TGFA: variants seen among roughly 807,000 people sequenced by gnomAD.
TGFA encodes transforming growth factor alpha.
A neutral mutation model predicts 21.7 loss-of-function variants in TGFA; 12 were observed. That is an observed-to-expected ratio of 0.55 (90% confidence interval 0.35 to 0.90). TGFA has a LOEUF of 0.90. Among genes scored for constraint, TGFA ranks in the 40% least tolerant of loss-of-function variants. The probability of loss-of-function intolerance (pLI) is 0.01; values close to 1 mark genes in which losing one functional copy is unlikely to be tolerated. For missense variants in TGFA, 178 were observed against 210.8 expected, an observed-to-expected ratio of 0.84 and a Z score of 0.96; for synonymous variants, 79 against 88.1, an observed-to-expected ratio of 0.90 and a Z score of 0.58.
In TGFA at chr2:70,509,461, C is replaced by T. The variant is rs186638804; in HGVS notation, c.94+5398G>A. ...TTAAGCCCAGGGTCACCACTGAGAT[C>T]TGATCACCATCTCCCTAAGCCAGCT... On this transcript the variant is annotated intron_variant, in intron 2 of 5. Transcript: ENST00000295400. Among the ~76,000 whole-genome samples, 640 of 152,314 alleles carry T rather than the reference C, an allele frequency of 4.2e-3. 2 individuals carry two copies. Among genetic ancestry groups the T allele is most frequent in the Non-Finnish European group, 7.5e-3 (512 of 68,024 alleles).
chr2:70,477,890 A>C (rs928480081), intron 2 of TGFA, among the ~76,000 whole-genome samples: 1 of 152,234 alleles, frequency 6.6e-6, no homozygotes, highest in African/African-American at 2.4e-5. Flanking sequence ...TGTTACTCTA[A>C]TGCCAAGCCT....
chr2:70,547,868 G>T (rs1341962125), intron 1 of TGFA, among the ~76,000 whole-genome samples: 3 of 147,922 alleles, frequency 2.0e-5, no homozygotes, highest in Non-Finnish European at 4.5e-5. Context: ...TATATAGAGA[G>T]ATATATATAT....
intron 2 of TGFA, among the ~76,000 whole-genome samples, chr2:70,510,488 G>A (rs1282190127): frequency 1.7e-4 from 26 of 152,076 alleles, no homozygotes; most frequent in Non-Finnish European, 3.7e-4. Flanking sequence ...TCTGATTCAA[G>A]TCCAATAGAT....
chr2:70,544,631 T>C (rs1553505610), intron 1 of TGFA, among the ~76,000 whole-genome samples: 2 of 152,130 alleles, frequency 1.3e-5, no homozygotes, highest in Non-Finnish European at 2.9e-5. Context: ...ACAGAACAGG[T>C]GCTTGGTAAT....
At chr2:70,547,498 G>A (rs112741266) in intron 1 of TGFA, among the ~76,000 whole-genome samples, 17,102 of 149,394 alleles carry the variant, frequency 0.11, 1,073 homozygotes, top group Middle Eastern at 0.18. Context: ...AGCCTAGATC[G>A]TGCCACTGCA....
At chr2:70,455,194 C>G (rs546356705) in intron 4 of TGFA, among the ~76,000 whole-genome samples, 5 of 152,122 alleles carry the variant, frequency 3.3e-5, no homozygotes, top group Non-Finnish European at 7.4e-5. Context: ...GACCTCAAAC[C>G]TCACCACTCA....
chr2:70,550,438 C>CA (rs1559148777), intron 1 of TGFA, among the ~76,000 whole-genome samples: 2 of 151,118 alleles, frequency 1.3e-5, no homozygotes, highest in Non-Finnish European at 3.0e-5. Flanking sequence ...AAAGGAGATA[C>CA]AAAAAATTTG....
At chr2:70,493,924 T>C (rs1671506089) in intron 2 of TGFA, among the ~76,000 whole-genome samples, 1 of 152,246 alleles carries the variant, frequency 6.6e-6, no homozygotes, top group South Asian at 2.1e-4. Flanking sequence ...TAGTTTCCCA[T>C]TGCTGCTATA....
chr2:70,539,355 C>A (rs570433670), intron 1 of TGFA, among the ~76,000 whole-genome samples: 2 of 151,948 alleles, frequency 1.3e-5, no homozygotes, highest in African/African-American at 2.4e-5. Context: ...TCATACCTAT[C>A]CCTCTAGTCT....
chr2:70,527,006 T>A (rs1233183837), intron 1 of TGFA, among the ~76,000 whole-genome samples: 2 of 152,224 alleles, frequency 1.3e-5, no homozygotes, highest in Non-Finnish European at 2.9e-5. Flanking sequence ...CAAAACCAAT[T>A]GATAAAGTGG....
chr2:70,533,113 C>G (rs1203989703), intron 1 of TGFA, among the ~76,000 whole-genome samples: 1 of 152,080 alleles, frequency 6.6e-6, no homozygotes, highest in Admixed American at 6.5e-5. Context: ...CCGCCCATCT[C>G]AGCCTCCCAA....
At chr2:70,512,241 G>A (rs555235055) in intron 2 of TGFA, among the ~76,000 whole-genome samples, 4 of 152,258 alleles carry the variant, frequency 2.6e-5, no homozygotes, top group East Asian at 3.9e-4. Context: ...ATGGGGCAGG[G>A]CCAAGAGTAA....
intron 1 of TGFA, among the ~76,000 whole-genome samples, chr2:70,545,248 C>T (rs57905246): frequency 5.3e-5 from 8 of 150,852 alleles, no homozygotes; most frequent in East Asian, 2.0e-4. Context: ...ACAAAGAAGA[C>T]GAAGATGAAG....
At chr2:70,553,685 G>T (rs1673587839) in intron 1 of TGFA, 43 bp downstream of exon 1, 2 of 1,333,850 alleles carry the variant, frequency 1.5e-6, no homozygotes, top group Non-Finnish European at 1.9e-6. Context: ...GGGGGAAGCA[G>T]GGTGTCGCGC....
At chr2:70,536,612 AG>A in intron 1 of TGFA, among the ~76,000 whole-genome samples, 1 of 152,370 alleles carries the variant, frequency 6.6e-6, no homozygotes, top group Non-Finnish European at 1.5e-5. Context: ...TGGGTCAAAA[AG>A]GAAACTCAAG....
At chr2:70,464,706 C>T (rs1293928183) in intron 3 of TGFA, among the ~76,000 whole-genome samples, 2 of 152,174 alleles carry the variant, frequency 1.3e-5, no homozygotes, top group Non-Finnish European at 2.9e-5. Context: ...TTAAATATGT[C>T]TTTCTGAAAC....
rs1673589231 is a variant in TGFA at position 70,553,712 on chromosome 2, C to A, written c.40+16G>T. 3.8e-6 allele frequency: 5 copies of A among 1,331,220 alleles called. No individual in the cohort carries two copies. The South Asian group carries it at 1.1e-4, about 29-fold the overall frequency. The allele number at this position is 1,331,220 out of a possible 1,614,324, so 82.5% of individuals were successfully genotyped here. A position where few individuals can be genotyped will look rare whatever the true frequency, so the allele number is the denominator to read the frequency against. On this transcript the variant is annotated intron_variant, in intron 1 of 5. Transcript: ENST00000295400. The stretch of plus-strand genomic sequence containing the variant: ...GTGTCGCGCGGCGCAGGGGGCGCCG[C>A]AGCCGGCGTACGTACCCAGAGCGAA...
At chr2:70,479,151 T>A (rs1671029595) in intron 2 of TGFA, among the ~76,000 whole-genome samples, 1 of 152,232 alleles carries the variant, frequency 6.6e-6, no homozygotes, top group South Asian at 2.1e-4. Flanking sequence ...TTTGAAAAAA[T>A]TATATCCTCC....
At chr2:70,460,862 C>T (rs567056829) in intron 3 of TGFA, among the ~76,000 whole-genome samples, 5 of 152,156 alleles carry the variant, frequency 3.3e-5, no homozygotes, top group African/African-American at 7.2e-5. Flanking sequence ...AATAGAACTT[C>T]CCGTGATCAT....
Sources: gnomAD v4.1 joint callset for allele counts (sites outside exome capture counted in the v4.1 genomes callset) on GRCh38, gnomAD v4.1.1 for gene constraint, MANE v1.5 for transcripts, NCBI Gene and HGNC (gene_info 2026-07-23, HGNC 2026-07-21) for gene names.